SLC16A7: variants seen among roughly 807,000 people sequenced by gnomAD.
The protein encoded by SLC16A7 is monocarboxylate transporter 2.
SLC16A7 carries 33 observed loss-of-function variants against 34.9 expected under a neutral mutation model. The observed-to-expected ratio is 0.94, with a 90% CI of 0.72 to 1.26. The LOEUF (loss-of-function observed/expected upper bound fraction) is 1.26. Among genes scored for constraint, SLC16A7 ranks in the 50% most tolerant of loss-of-function variants. The pLI, the probability that SLC16A7 is intolerant of heterozygous loss-of-function variation, is 0.00. For missense variants in SLC16A7, 573 were observed against 578.1 expected, an observed-to-expected ratio of 0.99 and a Z score of 0.09; for synonymous variants, 201 against 206.6, an observed-to-expected ratio of 0.97 and a Z score of 0.23.
chr12:59,730,022 A>C lies in SLC16A7; in HGVS notation c.217+25004A>C, dbSNP rs552659264. Among the ~76,000 whole-genome samples, 41 of 152,320 alleles carry C rather than the reference A, an allele frequency of 2.7e-4. 1 individual carries two copies. The South Asian group carries it at 7.5e-3, about 28-fold the overall frequency. On this transcript the variant is annotated intron_variant, in intron 3 of 5. Coordinates refer to ENST00000547379, the MANE Select transcript of SLC16A7 (RefSeq NM_001270623.2). ...ATTTGCAAGATAGTTCTGTGTCTAC[A>C]AAGAGGTCAGTTATGGCCATACCAC...
Position 59,780,457 on chromosome 12 carries a change from T to A in SLC16A7, c.*778T>A, listed in dbSNP as rs2137486847. On this transcript the variant is annotated 3_prime_UTR_variant, in exon 6 of 6. Transcript: ENST00000547379. ...GACTTGATTAATCCATGCACATGAT[T>A]TTTTTTGAGTAGGGAGCATTAGTAC... 6.6e-6 allele frequency: 1 copy of A among 152,186 alleles called. No homozygotes were observed. The allele number at this position is 152,186 out of a possible 1,614,324, so 9.4% of individuals were successfully genotyped here.
At chr12:59,691,726 T>G (rs1871675067) in intron 2 of SLC16A7, among the ~76,000 whole-genome samples, 1 of 152,092 alleles carries the variant, frequency 6.6e-6, no homozygotes, top group African/African-American at 2.4e-5. Context: ...GCTGTATAAG[T>G]GCATGTAAAT....
At chr12:59,697,804 A>G (rs1210773150) in intron 2 of SLC16A7, among the ~76,000 whole-genome samples, 3 of 151,838 alleles carry the variant, frequency 2.0e-5, no homozygotes, top group African/African-American at 4.8e-5. Flanking sequence ...ACAAAACAAA[A>G]CCTGAAACTT....
intron 1 of SLC16A7, among the ~76,000 whole-genome samples, chr12:59,603,314 C>T (rs1042905625): frequency 2.6e-5 from 4 of 152,176 alleles, no homozygotes; most frequent in Non-Finnish European, 5.9e-5. Flanking sequence ...GGTCCAAGGA[C>T]TGACATTTCA....
At chr12:59,712,979 C>T (rs1332606461) in intron 3 of SLC16A7, among the ~76,000 whole-genome samples, 1 of 151,984 alleles carries the variant, frequency 6.6e-6, no homozygotes, top group African/African-American at 2.4e-5. Flanking sequence ...ATTCTGAAAA[C>T]TTTCTATGGA....
intron 2 of SLC16A7, among the ~76,000 whole-genome samples, chr12:59,656,359 C>A (rs1290153568): frequency 1.3e-5 from 2 of 151,876 alleles, no homozygotes; most frequent in African/African-American, 4.8e-5. Flanking sequence ...TGTGCATGGG[C>A]CCAGCGTCAT....
intron 2 of SLC16A7, among the ~76,000 whole-genome samples, chr12:59,660,736 T>C (rs1298994148): frequency 6.6e-6 from 1 of 151,860 alleles, no homozygotes; most frequent in Non-Finnish European, 1.5e-5. Context: ...TAAAATAAAC[T>C]ATGATAAAAA....
Position 59,665,750 on chromosome 12 carries a change from TACAC to T in SLC16A7, c.-31+10512_-31+10515del, listed in dbSNP as rs540590107. Among the ~76,000 whole-genome samples the T allele has an allele frequency of 7.3e-5, 11 of 151,366 alleles. 1 individual carries two copies. The highest frequency in any genetic ancestry group is 3.9e-4 in the East Asian group (2 of 5,154). ...TGAATTACAGGAATTTATATATATA[TACAC>T]ACACACACACATATATGTAACTTTT... On this transcript the variant is annotated intron_variant, in intron 2 of 5. Transcript: ENST00000547379.
intron 2 of SLC16A7, among the ~76,000 whole-genome samples, chr12:59,696,990 CAG>C (rs1248659257): frequency 6.6e-6 from 1 of 151,570 alleles, no homozygotes; most frequent in Non-Finnish European, 1.5e-5. Flanking sequence ...TAATACAAAA[CAG>C]AAAAGATTAA....
At chr12:59,723,613 G>A (rs769559838) in intron 3 of SLC16A7, among the ~76,000 whole-genome samples, 1 of 151,976 alleles carries the variant, frequency 6.6e-6, no homozygotes, top group Non-Finnish European at 1.5e-5. Flanking sequence ...GAAAGAAACA[G>A]CATTTTAGTA....
intron 3 of SLC16A7, among the ~76,000 whole-genome samples, chr12:59,715,070 C>T (rs190103958): frequency 6.6e-6 from 1 of 152,148 alleles, no homozygotes; most frequent in Non-Finnish European, 1.5e-5. Context: ...GTACTCTCCT[C>T]CCTTTTAATC....
intron 3 of SLC16A7, among the ~76,000 whole-genome samples, chr12:59,739,218 A>C: frequency 1.9e-5 from 2 of 104,774 alleles, no homozygotes; most frequent in Non-Finnish European, 1.8e-5. Context: ...AACAGTCCCC[A>C]GAGTGTGATG....
intron 2 of SLC16A7, 118 bp from the exon 3 acceptor site, chr12:59,704,654 A>G (rs1873348961): frequency 4.9e-6 from 3 of 608,190 alleles, no homozygotes; most frequent in Non-Finnish European, 8.6e-6. Flanking sequence ...AGTGTGAAAA[A>G]TATTCATGAA....
intron 2 of SLC16A7, among the ~76,000 whole-genome samples, chr12:59,687,545 G>T (rs1189909971): frequency 6.6e-6 from 1 of 152,054 alleles, no homozygotes; most frequent in African/African-American, 2.4e-5. Flanking sequence ...TGAAGCCAAT[G>T]TGTTTCTCAG....
At chr12:59,731,043 GT>G (rs1388932250) in intron 3 of SLC16A7, among the ~76,000 whole-genome samples, 1 of 152,128 alleles carries the variant, frequency 6.6e-6, no homozygotes, top group East Asian at 1.9e-4. Context: ...TCCTCAATGT[GT>G]TTATGCCAAG....
chr12:59,754,242 G>A (rs1261939859), intron 3 of SLC16A7, among the ~76,000 whole-genome samples: 1 of 151,980 alleles, frequency 6.6e-6, no homozygotes, highest in African/African-American at 2.4e-5. Context: ...GAGAAGGCAA[G>A]AAATAACTAA....
Position 59,774,951 on chromosome 12 carries a change from G to A in SLC16A7, c.656G>A (p.Ser219Asn), listed in dbSNP as rs142586562. The change falls in exon 5 of 6, where the codon AGC becomes AAC. Residue 219 changes from serine to asparagine, a missense_variant. Coordinates refer to ENST00000547379, the MANE Select transcript of SLC16A7 (RefSeq NM_001270623.2). ...NKTGKTEDDS[S>N]PKKIKTKKST... ...ACTGGCAAAACAGAAGATGATTCAA[G>A]CCCAAAGAAAATCAAAACGAAGAAA... 9.3e-6 allele frequency: 15 copies of A among 1,613,850 alleles called. No homozygotes were observed. The highest frequency in any genetic ancestry group is 1.2e-5 in the Non-Finnish European group (14 of 1,179,910).
intron 2 of SLC16A7, among the ~76,000 whole-genome samples, chr12:59,689,078 G>T: frequency 6.6e-6 from 1 of 151,426 alleles, no homozygotes; most frequent in African/African-American, 2.4e-5. Flanking sequence ...CTATCATACA[G>T]GTTTATATCA....
intron 3 of SLC16A7, among the ~76,000 whole-genome samples, chr12:59,762,213 A>G (rs1014014605): frequency 2.6e-5 from 4 of 151,962 alleles, no homozygotes; most frequent in Non-Finnish European, 4.4e-5. Flanking sequence ...ATTTTTTACA[A>G]TTTTCGTGTC....
Sources: allele counts gnomAD v4.1 joint callset (sites outside exome capture counted in the v4.1 genomes callset), GRCh38; gene constraint gnomAD v4.1.1; transcripts MANE v1.5; gene names NCBI Gene and HGNC (gene_info 2026-07-23, HGNC 2026-07-21).